SLC4A4: variants seen among roughly 807,000 people sequenced by gnomAD.
SLC4A4 encodes electrogenic sodium bicarbonate cotransporter 1.
Under a neutral mutation model 111.5 loss-of-function variants are expected in SLC4A4, and 27 were observed. The observed-to-expected ratio is 0.24, with a 90% CI of 0.18 to 0.33. SLC4A4 has a LOEUF of 0.33. Among genes scored for constraint, SLC4A4 ranks in the 10% least tolerant of loss-of-function variants. The pLI, the probability that SLC4A4 is intolerant of heterozygous loss-of-function variation, is 1.00. For missense variants in SLC4A4, 909 were observed against 1,315.5 expected, an observed-to-expected ratio of 0.69 and a Z score of 4.78; for synonymous variants, 443 against 463.4, an observed-to-expected ratio of 0.96 and a Z score of 0.57.
chr4:71,119,586 G>T (rs2148955657), intron 2 of SLC4A4, among the ~76,000 whole-genome samples: 1 of 152,172 alleles, frequency 6.6e-6, no homozygotes, highest in Non-Finnish European at 1.5e-5. Context: ...ATAGGATCTT[G>T]CTATGTTATC....
intron 3 of SLC4A4, among the ~76,000 whole-genome samples, chr4:71,268,706 A>T (rs181233598): frequency 6.6e-5 from 10 of 152,304 alleles, no homozygotes; most frequent in African/African-American, 2.4e-4. Flanking sequence ...CTGTAATAAA[A>T]TGTTTCTCAG....
At chr4:71,339,736 T>A (rs1728733308) in intron 4 of SLC4A4, among the ~76,000 whole-genome samples, 1 of 152,236 alleles carries the variant, frequency 6.6e-6, no homozygotes, top group African/African-American at 2.4e-5. Flanking sequence ...TCCATGTTGC[T>A]ATAATTTTGG....
At chr4:71,361,523 C>A (rs966874291) in intron 6 of SLC4A4, among the ~76,000 whole-genome samples, 2 of 152,210 alleles carry the variant, frequency 1.3e-5, no homozygotes, top group South Asian at 4.1e-4. Context: ...GCTATCATTT[C>A]TCAGTAGATT....
chr4:71,276,448 C>T (rs1377938530), intron 3 of SLC4A4, among the ~76,000 whole-genome samples: 1 of 152,190 alleles, frequency 6.6e-6, no homozygotes, highest in Non-Finnish European at 1.5e-5. Flanking sequence ...TTTATAGTTA[C>T]ACCCCCTCCT....
Position 71,131,163 on chromosome 4 carries a change from G to C in SLC4A4, c.-2+38371G>C, listed in dbSNP as rs6850566. ...ACGGCGGATGGGAGAGTGGGGATCT[G>C]TCTGTCCATCTCATACTAGTTTGGC... On this transcript the variant is annotated intron_variant, in intron 2 of 26. Transcript: ENST00000649996. 1.8e-4 allele frequency among the ~76,000 whole-genome samples: 28 copies of C among 152,334 alleles called. No homozygotes were observed. The East Asian group carries it at 5.0e-3, about 27-fold the overall frequency.
chr4:71,064,289 A>AAGATG (rs1741460277), intron 1 of SLC4A4, among the ~76,000 whole-genome samples: 1 of 152,200 alleles, frequency 6.6e-6, no homozygotes, highest in Non-Finnish European at 1.5e-5. Flanking sequence ...TTCTAGTGAA[A>AAGATG]AGATGAAATG....
intron 3 of SLC4A4, among the ~76,000 whole-genome samples, chr4:71,292,813 G>A (rs117273476): frequency 6.7e-6 from 1 of 150,162 alleles, no homozygotes; most frequent in Non-Finnish European, 1.5e-5. Context: ...ATCACATAGT[G>A]TGAGTATGTC....
chr4:71,194,185 T>C (rs578182713), intron 1 of SLC4A4, among the ~76,000 whole-genome samples: 1 of 152,342 alleles, frequency 6.6e-6, no homozygotes, highest in Admixed American at 6.5e-5. Context: ...TCCGTGTCTT[T>C]TTTCATTATT....
chr4:71,469,748 C>T (rs752664109), intron 13 of SLC4A4, among the ~76,000 whole-genome samples: 3 of 151,928 alleles, frequency 2.0e-5, no homozygotes, highest in Admixed American at 1.3e-4. Flanking sequence ...CTACACATAT[C>T]ACTTTCATAA....
intron 21 of SLC4A4, among the ~76,000 whole-genome samples, chr4:71,555,537 C>G (rs940906516): frequency 2.0e-5 from 3 of 151,886 alleles, no homozygotes; most frequent in African/African-American, 7.2e-5. Flanking sequence ...ATACCTAACT[C>G]TTTCTGTGTG....
intron 3 of SLC4A4, among the ~76,000 whole-genome samples, chr4:71,314,726 A>G (rs1048826319): frequency 2.0e-5 from 3 of 152,046 alleles, no homozygotes; most frequent in Admixed American, 1.3e-4. Flanking sequence ...ATGATAACAC[A>G]TGGATGCAGG....
intron 1 of SLC4A4, among the ~76,000 whole-genome samples, chr4:71,227,712 G>A (rs941099352): frequency 4.6e-5 from 7 of 152,070 alleles, no homozygotes; most frequent in Non-Finnish European, 1.0e-4. Flanking sequence ...CATGCCCGTC[G>A]CCATCCTCTG....
chr4:71,265,205 A>G (rs923332486), intron 3 of SLC4A4, among the ~76,000 whole-genome samples: 4 of 152,194 alleles, frequency 2.6e-5, no homozygotes, highest in Non-Finnish European at 5.9e-5. Context: ...AGTGGCCAAG[A>G]TGCTTTCCTC....
intron 2 of SLC4A4, 74 bp downstream of exon 2, chr4:71,236,723 CAT>C: frequency 8.2e-7 from 1 of 1,223,248 alleles, no homozygotes; most frequent in Non-Finnish European, 1.2e-6. Context: ...TCATGCATTT[CAT>C]ATATCTTACA....
chr4:71,216,693 G>A (rs1223908733), intron 1 of SLC4A4, among the ~76,000 whole-genome samples: 1 of 152,146 alleles, frequency 6.6e-6, no homozygotes, highest in African/African-American at 2.4e-5. Flanking sequence ...TGCTGAGGAG[G>A]GAGCATGGCA....
intron 1 of SLC4A4, among the ~76,000 whole-genome samples, chr4:71,068,517 T>C (rs940635988): frequency 6.6e-6 from 1 of 152,140 alleles, no homozygotes; most frequent in African/African-American, 2.4e-5. Flanking sequence ...TAGTCTGATT[T>C]TCATCACCAT....
At chr4:71,205,270 T>A (rs1431473637) in intron 1 of SLC4A4, among the ~76,000 whole-genome samples, 1 of 152,168 alleles carries the variant, frequency 6.6e-6, no homozygotes, top group Admixed American at 6.5e-5. Context: ...GTCAATCCCT[T>A]TATGCTTTGA....
chr4:71,482,395 T>A (rs1045110757), intron 14 of SLC4A4, among the ~76,000 whole-genome samples: 6 of 151,572 alleles, frequency 4.0e-5, no homozygotes, highest in Non-Finnish European at 7.4e-5. Context: ...GGGAAAAAAA[T>A]TGAAATTCTA....
intron 15 of SLC4A4, among the ~76,000 whole-genome samples, chr4:71,494,396 A>G (rs970052503): frequency 2.0e-5 from 3 of 151,866 alleles, no homozygotes; most frequent in African/African-American, 7.3e-5. Flanking sequence ...TCACTGTAAC[A>G]TCAAACTCCT....
Sources: allele counts gnomAD v4.1 joint callset (sites outside exome capture counted in the v4.1 genomes callset), GRCh38; gene constraint gnomAD v4.1.1; transcripts MANE v1.5; gene names NCBI Gene and HGNC (gene_info 2026-07-23, HGNC 2026-07-21).